IL23R: variants seen among roughly 807,000 people sequenced by gnomAD.
The protein encoded by IL23R is interleukin-23 receptor.
IL23R carries 34 observed loss-of-function variants against 56.9 expected under a neutral mutation model. The observed-to-expected ratio is 0.60, with a 90% CI of 0.45 to 0.80. The LOEUF (loss-of-function observed/expected upper bound fraction) is 0.80, where lower values mean the gene tolerates loss of function less well. Among genes scored for constraint, IL23R ranks in the 30% least tolerant of loss-of-function variants. IL23R has a pLI of 0.00. For missense variants in IL23R, 635 were observed against 730.0 expected, an observed-to-expected ratio of 0.87 and a Z score of 1.50; for synonymous variants, 230 against 249.2, an observed-to-expected ratio of 0.92 and a Z score of 0.73.
chr1:67,141,417 T>C (rs1473077726), intron 1 of IL23R, among the ~76,000 whole-genome samples: 1 of 151,420 alleles, frequency 6.6e-6, no homozygotes, highest in African/African-American at 2.4e-5. Flanking sequence ...GTCAAAAGCC[T>C]CTTAAAAAAA....
chr1:67,265,744 T>C, the IL23R span, among the ~76,000 whole-genome samples: 1 of 152,098 alleles, frequency 6.6e-6, no homozygotes, highest in Non-Finnish European at 1.5e-5. Flanking sequence ...GAAGATAAAA[T>C]CATTTACATT....
intron 1 of IL23R, among the ~76,000 whole-genome samples, chr1:67,151,627 A>G (rs964847996): frequency 3.9e-5 from 6 of 152,156 alleles, no homozygotes; most frequent in African/African-American, 1.4e-4. Flanking sequence ...TAATTTTCAT[A>G]TAAGGTGTAA....
In IL23R at chr1:67,259,378, C is replaced by A; in HGVS notation, c.*250C>A. 1 of 487,694 alleles carries A rather than the reference C, an allele frequency of 2.1e-6. No individual in the cohort carries two copies. The highest frequency in any genetic ancestry group is 3.7e-6 in the Non-Finnish European group (1 of 269,630). 30.2% of individuals were successfully genotyped at this position (487,694 alleles called of 1,614,324 possible). ...AGTGACATTTCTGTGCTCCTACCAT[C>A]ACCATGTAAGAATTCCCGGGAGCTC... is the stretch of plus-strand genomic sequence containing the variant. On this transcript the variant is annotated 3_prime_UTR_variant, in exon 11 of 11. Transcript: ENST00000347310.
At chr1:67,174,779 T>C (rs1646987387) in intron 3 of IL23R, among the ~76,000 whole-genome samples, 1 of 152,128 alleles carries the variant, frequency 6.6e-6, no homozygotes, top group Non-Finnish European at 1.5e-5. Context: ...CAAAACTCAA[T>C]GTCATCAGAA....
intron 1 of IL23R, among the ~76,000 whole-genome samples, chr1:67,143,335 T>C (rs191326892): frequency 6.6e-6 from 1 of 152,332 alleles, no homozygotes; most frequent in East Asian, 1.9e-4. Context: ...TATTGTCTTA[T>C]TTTTGGCTCT....
Position 67,182,909 on chromosome 1 carries a change from T to C in IL23R, c.441T>C (p.Asn147=). 9.9e-6 allele frequency: 16 copies of C among 1,614,146 alleles called. No homozygotes were observed. The highest frequency in any genetic ancestry group is 1.4e-5 in the Non-Finnish European group (16 of 1,179,990). Residue 147 remains asparagine (N), a synonymous_variant, in exon 4 of 11, where the codon AAT becomes AAC. Coordinates refer to ENST00000347310, the MANE Select transcript of IL23R (RefSeq NM_144701.3). The part of the protein sequence containing the change: ...EYSGNMTCTW[N]AGKLTYIDTK... ...CAGGCAACATGACTTGCACCTGGAA[T>C]GCTGGGAAGCTCACCTACATAGACA...
At chr1:67,174,053 C>T (rs531254380) in intron 3 of IL23R, among the ~76,000 whole-genome samples, 1 of 152,068 alleles carries the variant, frequency 6.6e-6, no homozygotes, top group Non-Finnish European at 1.5e-5. Flanking sequence ...GTTTATTTAA[C>T]CTTATTTTGG....
At chr1:67,205,969 CTCTT>C (rs761458529) in intron 5 of IL23R, among the ~76,000 whole-genome samples, 17 of 116,884 alleles carry the variant, frequency 1.5e-4, no homozygotes, top group Non-Finnish European at 2.8e-4. Context: ...TTCTTTCTTG[CTCTT>C]TCTGTCTCTT....
At chr1:67,158,291 G>A (rs769878022) in intron 1 of IL23R, among the ~76,000 whole-genome samples, 12 of 152,148 alleles carry the variant, frequency 7.9e-5, no homozygotes, top group Admixed American at 1.3e-4. Flanking sequence ...CCCCCAAACT[G>A]GGGTTTAGCC....
chr1:67,252,015 C>A (rs1652657811), intron 9 of IL23R, among the ~76,000 whole-genome samples: 1 of 151,800 alleles, frequency 6.6e-6, no homozygotes, highest in African/African-American at 2.4e-5. Flanking sequence ...AGACCTCATC[C>A]AGTTTTTTTT....
intron 9 of IL23R, among the ~76,000 whole-genome samples, chr1:67,249,472 A>G (rs1227901891): frequency 1.3e-5 from 2 of 152,174 alleles, no homozygotes; most frequent in Non-Finnish European, 2.9e-5. Context: ...AACACAATTC[A>G]CAAGGAAATG....
chr1:67,255,026 G>A (rs1215448892), intron 9 of IL23R, among the ~76,000 whole-genome samples: 1 of 152,128 alleles, frequency 6.6e-6, no homozygotes, highest in Non-Finnish European at 1.5e-5. Flanking sequence ...AAGAAAGTTT[G>A]GAGCTGTCAC....
At chr1:67,210,538 C>T (rs1429800763) in intron 6 of IL23R, among the ~76,000 whole-genome samples, 1 of 152,050 alleles carries the variant, frequency 6.6e-6, no homozygotes, top group African/African-American at 2.4e-5. Flanking sequence ...TCATAGCTCA[C>T]TGCAGCCACA....
At chr1:67,154,375 T>G (rs1485802434) in intron 1 of IL23R, among the ~76,000 whole-genome samples, 1 of 152,188 alleles carries the variant, frequency 6.6e-6, no homozygotes, top group Non-Finnish European at 1.5e-5. Flanking sequence ...TCTCCCAGTA[T>G]TATTGTGTGG....
chr1:67,251,885 A>T (rs886290347), intron 9 of IL23R, among the ~76,000 whole-genome samples: 3 of 152,172 alleles, frequency 2.0e-5, no homozygotes, highest in Admixed American at 6.5e-5. Flanking sequence ...ACTCAACTTA[A>T]TTTTTAGAGC....
chr1:67,218,235 C>A (rs1649979450), intron 6 of IL23R, among the ~76,000 whole-genome samples: 1 of 151,446 alleles, frequency 6.6e-6, no homozygotes, highest in African/African-American at 2.4e-5. Flanking sequence ...CTCAGTTCAA[C>A]TTTCTTAATA....
At chr1:67,249,444 T>G (rs1026959617) in intron 9 of IL23R, among the ~76,000 whole-genome samples, 7 of 152,168 alleles carry the variant, frequency 4.6e-5, no homozygotes, top group Non-Finnish European at 1.0e-4. Context: ...GTAATGACTT[T>G]AAACAGTGAT....
At chr1:67,180,138 T>G (rs60890880) in intron 3 of IL23R, among the ~76,000 whole-genome samples, 1 of 152,236 alleles carries the variant, frequency 6.6e-6, no homozygotes, top group Non-Finnish European at 1.5e-5. Context: ...TTAGGTCTGC[T>G]TGGTGCAGAG....
Position 67,182,887 on chromosome 1 carries a change from G to C in IL23R, c.419G>C (p.Gly140Ala). 6.2e-7 allele frequency: 1 copy of C among 1,613,988 alleles called. No homozygotes were observed. The highest frequency in any genetic ancestry group is 8.5e-7 in the Non-Finnish European group (1 of 1,179,948). Residue 140 changes from glycine to alanine, a missense_variant, in exon 4 of 11, where the codon GGC becomes GCC. Coordinates refer to ENST00000347310, the MANE Select transcript of IL23R (RefSeq NM_144701.3). ...ACCTGTGTCATTTATGAATATTCAG[G>C]CAACATGACTTGCACCTGGAATGCT... ...EVTCVIYEYS[G>A]NMTCTWNAGK...
Sources: allele counts gnomAD v4.1 joint callset (sites outside exome capture counted in the v4.1 genomes callset), GRCh38; gene constraint gnomAD v4.1.1; transcripts MANE v1.5; gene names NCBI Gene and HGNC (gene_info 2026-07-23, HGNC 2026-07-21).